Variants in ITCH observed in about 807,000 individuals in gnomAD.
ITCH encodes the protein itchy E3 ubiquitin protein ligase, also known as E3 ubiquitin-protein ligase Itchy homolog.
A neutral mutation model predicts 126.8 loss-of-function variants in ITCH; 28 were observed. The ratio of observed to expected loss-of-function variants is 0.22; its 90% CI spans 0.16 to 0.30. The LOEUF is 0.30. Ranked by LOEUF, ITCH falls within the 10% of genes least tolerant of loss-of-function variation. The pLI is 1.00. For synonymous variants in ITCH, 342 were observed against 340.0 expected (o/e 1.01, Z -0.06); for missense variants, 631 against 1,032.4 (o/e 0.61, Z 5.33).
Position 34,508,241 on chromosome 20 carries a change from T to C in ITCH, c.*447T>C. ...AAAAGTGCAAGCTTACTCCTGCTTC[T>C]GGGGATGTGAGCAAAATTCGGGCTT... On this transcript the variant is annotated 3_prime_UTR_variant, in exon 25 of 25. Coordinates refer to ENST00000374864, the MANE Select transcript of ITCH (RefSeq NM_031483.7). 5.2e-6 allele frequency: 1 copy of C among 193,452 alleles called. No homozygotes were observed. The highest frequency in any genetic ancestry group is 1.1e-5 in the Non-Finnish European group (1 of 91,360). The allele number at this position is 193,452 out of a possible 1,614,324, so 12.0% of individuals were successfully genotyped here.
chr20:34,500,366 C>CATAT (rs1569008770), intron 23 of ITCH, among the ~76,000 whole-genome samples: 1 of 152,034 alleles, frequency 6.6e-6, no homozygotes, highest in African/African-American at 2.4e-5. Flanking sequence ...GTGTTGGGTG[C>CATAT]ATATATAACT....
intron 3 of ITCH, among the ~76,000 whole-genome samples, chr20:34,398,635 G>T (rs902165894): frequency 8.5e-5 from 13 of 152,052 alleles, no homozygotes; most frequent in Non-Finnish European, 1.9e-4. Context: ...CTGACCTCAG[G>T]TGATCCACCC....
chr20:34,494,763 A>G (rs530542069), intron 23 of ITCH, among the ~76,000 whole-genome samples: 1 of 151,408 alleles, frequency 6.6e-6, no homozygotes, highest in Non-Finnish European at 1.5e-5. Context: ...GTTTGAGACA[A>G]GCCTGGGCAA....
intron 2 of ITCH, among the ~76,000 whole-genome samples, chr20:34,383,108 C>G (rs1313505513): frequency 1.3e-5 from 2 of 152,088 alleles, no homozygotes; most frequent in Admixed American, 1.3e-4. Context: ...GTGGCATGAT[C>G]ATGGCTCACT....
intron 20 of ITCH, among the ~76,000 whole-genome samples, chr20:34,486,388 C>T (rs943670644): frequency 1.4e-5 from 2 of 147,914 alleles, no homozygotes; most frequent in African/African-American, 5.0e-5. Flanking sequence ...TGCAGCGGTA[C>T]AATCTTGGCT....
chr20:34,434,122 C>G (rs1601890907), intron 7 of ITCH, among the ~76,000 whole-genome samples: 1 of 151,892 alleles, frequency 6.6e-6, no homozygotes, highest in Non-Finnish European at 1.5e-5. Context: ...CAAAAACATA[C>G]AAAAATTAGC....
intron 4 of ITCH, among the ~76,000 whole-genome samples, chr20:34,410,610 A>AG (rs945635359): frequency 3.9e-5 from 6 of 152,164 alleles, no homozygotes; most frequent in Non-Finnish European, 5.9e-5. Flanking sequence ...TGGGAGGATA[A>AG]GGGGGGAGGA....
intron 23 of ITCH, among the ~76,000 whole-genome samples, chr20:34,503,885 G>GTTTTTTT (rs11167236): frequency 2.7e-5 from 3 of 109,618 alleles, no homozygotes; most frequent in Admixed American, 9.6e-5. Context: ...TTTTTTTTTG[G>GTTTTTTT]TTTTTTTTTT....
intron 10 of ITCH, among the ~76,000 whole-genome samples, chr20:34,444,604 GA>G (rs910386763): frequency 1.3e-5 from 2 of 152,056 alleles, no homozygotes; most frequent in African/African-American, 4.8e-5. Context: ...AAAAAGATAG[GA>G]AGTTAGTTGT....
At chr20:34,371,279 CT>C (rs770951963) in intron 2 of ITCH, among the ~76,000 whole-genome samples, 1,517 of 118,450 alleles carry the variant, frequency 0.013, 13 homozygotes, top group African/African-American at 0.046. Flanking sequence ...ATCACTTCTT[CT>C]TTTTTTTTTT....
intron 23 of ITCH, among the ~76,000 whole-genome samples, chr20:34,493,067 A>G (rs894838112): frequency 1.3e-5 from 2 of 152,222 alleles, no homozygotes; most frequent in East Asian, 1.9e-4. Flanking sequence ...TTACACAGCA[A>G]TCTGCTGCTT....
intron 2 of ITCH, among the ~76,000 whole-genome samples, chr20:34,371,748 CT>C (rs2037639312): frequency 6.6e-6 from 1 of 152,136 alleles, no homozygotes; most frequent in African/African-American, 2.4e-5. Context: ...CAAAGCAGTT[CT>C]TTGTGGAAAG....
chr20:34,496,467 T>C (rs944968578), intron 23 of ITCH, among the ~76,000 whole-genome samples: 2 of 152,216 alleles, frequency 1.3e-5, no homozygotes, highest in African/African-American at 4.8e-5. Context: ...CCAATTTGTC[T>C]ATTTTTATTT....
chr20:34,376,550 A>T (rs1364966703), intron 2 of ITCH, among the ~76,000 whole-genome samples: 1 of 152,112 alleles, frequency 6.6e-6, no homozygotes, highest in African/African-American at 2.4e-5. Context: ...ATTAAGGCAG[A>T]TAGAAGGAGG....
At chr20:34,393,585 AG>A (rs1055516998) in intron 2 of ITCH, among the ~76,000 whole-genome samples, 1 of 152,220 alleles carries the variant, frequency 6.6e-6, no homozygotes, top group African/African-American at 2.4e-5. Flanking sequence ...AAGGGAAGAA[AG>A]TAAAACATGG....
At chr20:34,404,194 G>A (rs971345999) in intron 3 of ITCH, among the ~76,000 whole-genome samples, 3 of 151,990 alleles carry the variant, frequency 2.0e-5, no homozygotes, top group South Asian at 2.1e-4. Flanking sequence ...TTTTTCTTCC[G>A]GTTTATAATG....
At chr20:34,436,107 A>G (rs1305470622) in intron 7 of ITCH, among the ~76,000 whole-genome samples, 5 of 152,230 alleles carry the variant, frequency 3.3e-5, no homozygotes, top group Non-Finnish European at 5.9e-5. Flanking sequence ...GCAACAAATC[A>G]TAGCATTTTT....
At chr20:34,387,831 A>G (rs1020208942) in intron 2 of ITCH, among the ~76,000 whole-genome samples, 2 of 151,670 alleles carry the variant, frequency 1.3e-5, no homozygotes, top group Admixed American at 6.6e-5. Flanking sequence ...CAGCCTCCCA[A>G]GTAGCTGGGA....
At chr20:34,372,312 CAAA>C (rs368969042) in intron 2 of ITCH, among the ~76,000 whole-genome samples, 4 of 73,082 alleles carry the variant, frequency 5.5e-5, no homozygotes, top group African/African-American at 5.6e-5. Flanking sequence ...TACTTTGTCT[CAAA>C]AAAAAAAAAA....
Sources: gnomAD v4.1 joint callset for allele counts (sites outside exome capture counted in the v4.1 genomes callset) on GRCh38, gnomAD v4.1.1 for gene constraint, MANE v1.5 for transcripts, NCBI Gene and HGNC (gene_info 2026-07-23, HGNC 2026-07-21) for gene names.